Variants in FOLH1 observed in about 807,000 individuals in gnomAD.
FOLH1 encodes folate hydrolase 1.
In FOLH1, 54 loss-of-function variants were observed where a neutral mutation model predicts 93.9. That is an observed-to-expected ratio of 0.57 (90% confidence interval 0.46 to 0.72). The LOEUF (loss-of-function observed/expected upper bound fraction) is 0.72. FOLH1 is among the 30% of genes least tolerant of loss of function. The pLI, the probability that FOLH1 is intolerant of heterozygous loss-of-function variation, is 0.00. For missense variants in FOLH1, 571 were observed against 892.5 expected, an observed-to-expected ratio of 0.64 and a Z score of 4.59; for synonymous variants, 249 against 303.6, an observed-to-expected ratio of 0.82 and a Z score of 1.87.
chr11:49,163,138 G>A (rs747312508), intron 13 of FOLH1, among the ~76,000 whole-genome samples: 3 of 151,876 alleles, frequency 2.0e-5, no homozygotes, highest in Non-Finnish European at 4.4e-5. Flanking sequence ...TTCAGCCCTC[G>A]GTTGTCTTGG....
intron 18 of FOLH1, among the ~76,000 whole-genome samples, chr11:49,147,179 C>T (rs1855865010): frequency 6.6e-6 from 1 of 152,098 alleles, no homozygotes; most frequent in Admixed American, 6.6e-5. Flanking sequence ...ACAAAACTAA[C>T]AATGATGATA....
At chr11:49,151,359 T>C (rs1329322353) in intron 17 of FOLH1, among the ~76,000 whole-genome samples, 1 of 99,530 alleles carries the variant, frequency 1.0e-5, no homozygotes, top group African/African-American at 3.6e-5. Flanking sequence ...AAAGAATTGC[T>C]ACAAGTACAA....
At chr11:49,183,691 GA>G (rs986352530) in intron 6 of FOLH1, among the ~76,000 whole-genome samples, 7 of 151,792 alleles carry the variant, frequency 4.6e-5, no homozygotes, top group African/African-American at 1.5e-4. Flanking sequence ...ATCATCAAAA[GA>G]AAAAAACTAA....
At chr11:49,182,527 A>C (rs1277042900) in intron 7 of FOLH1, among the ~76,000 whole-genome samples, 1 of 152,148 alleles carries the variant, frequency 6.6e-6, no homozygotes, top group Non-Finnish European at 1.5e-5. Context: ...ATAGTGTGTT[A>C]TTCTGGGTCC....
intron 13 of FOLH1, among the ~76,000 whole-genome samples, chr11:49,159,464 C>A (rs1857410607): frequency 6.6e-6 from 1 of 152,184 alleles, no homozygotes. Flanking sequence ...ATCAACCTTG[C>A]ATCCCTGGGA....
At chr11:49,171,605 A>G (rs1368257004) in intron 10 of FOLH1, among the ~76,000 whole-genome samples, 12 of 152,146 alleles carry the variant, frequency 7.9e-5, no homozygotes, top group African/African-American at 1.9e-4. Flanking sequence ...AGAAATTTCT[A>G]GATGCATTTG....
At chr11:49,148,193 T>C (rs1041873223) in intron 18 of FOLH1, among the ~76,000 whole-genome samples, 1 of 151,502 alleles carries the variant, frequency 6.6e-6, no homozygotes. Context: ...ATATCAACAT[T>C]AGGGAAAAGA....
Position 49,207,948 on chromosome 11 carries a change from C to CAAAACA in FOLH1, c.118+343_118+344insTGTTTT, listed in dbSNP as rs111891603. 185 of 496,480 alleles carry CAAAACA rather than the reference C, an allele frequency of 3.7e-4. 2 individuals are homozygous for CAAAACA. Among genetic ancestry groups the CAAAACA allele is most frequent in the Admixed American group, 1.2e-3 (47 of 40,510 alleles). The allele number at this position is 496,480 out of a possible 1,614,324, so 30.8% of individuals were successfully genotyped here. ...ACAGAGAGGTAAAAAAACAAACAAA[C>CAAAACA]AAACAAAACAAAACAAAACAAAACA... On this transcript the variant is annotated intron_variant, in intron 1 of 18. Coordinates refer to ENST00000256999, the MANE Select transcript of FOLH1 (RefSeq NM_004476.3).
chr11:49,164,639 C>CATA (rs142158532), intron 13 of FOLH1, 66 bp downstream of exon 13: 46,496 of 1,133,278 alleles, frequency 0.041, 1,166 homozygotes, highest in Non-Finnish European at 0.047. Context: ...CTATGTTTAA[C>CATA]ATAATACCTC....
chr11:49,147,941 G>T (rs759738728), intron 18 of FOLH1, among the ~76,000 whole-genome samples: 9 of 151,872 alleles, frequency 5.9e-5, no homozygotes, highest in Admixed American at 2.6e-4. Flanking sequence ...GAAAAAAAGG[G>T]GGGGTGGGGG....
At chr11:49,194,981 C>T (rs1342999119) in intron 3 of FOLH1, among the ~76,000 whole-genome samples, 1 of 151,860 alleles carries the variant, frequency 6.6e-6, no homozygotes, top group East Asian at 1.9e-4. Flanking sequence ...TAACATTTAT[C>T]TCTAATTAAT....
chr11:49,204,540 C>T (rs770896859), intron 2 of FOLH1, among the ~76,000 whole-genome samples: 32 of 152,234 alleles, frequency 2.1e-4, no homozygotes, highest in Non-Finnish European at 3.4e-4. Flanking sequence ...TTTATTATAC[C>T]TACTATACAT....
At chr11:49,151,286 G>A (rs1174904019) in intron 17 of FOLH1, among the ~76,000 whole-genome samples, 6 of 152,364 alleles carry the variant, frequency 3.9e-5, no homozygotes, top group Non-Finnish European at 7.4e-5. Context: ...CCGATAAACA[G>A]TTGAGACAAT....
At chr11:49,186,501 T>C in intron 5 of FOLH1, 143 bp downstream of exon 5, 1 of 976,922 alleles carries the variant, frequency 1.0e-6, no homozygotes, top group Non-Finnish European at 1.5e-6. Context: ...AGTAAATGTG[T>C]CCTCTCTGTA....
At position 49,159,710 on chromosome 11, in the gene FOLH1, G is replaced by A. The variant is rs1285809622; in HGVS notation, c.1441-1667C>T. On this transcript the variant is annotated intron_variant, in intron 13 of 18. Coordinates refer to ENST00000256999, the MANE Select transcript of FOLH1 (RefSeq NM_004476.3). The stretch of plus-strand genomic sequence containing the variant: ...AATAGTTTCAATAGAAATAGTACCA[G>A]CCCTTCTTTGTACCTCTGGTAGAAT... Among the ~76,000 whole-genome samples the A allele has an allele frequency of 3.9e-5, 6 of 152,078 alleles. No homozygotes were observed. The East Asian group carries it at 1.2e-3, about 29-fold the overall frequency.
Position 49,156,785 on chromosome 11 carries a change from T to G in FOLH1, c.1555A>C (p.Asn519His). The change falls in exon 15 of 19, where the codon AAT (asparagine) becomes CAT (histidine). Residue 519 changes from asparagine to histidine, a missense_variant. Physicochemically the swap from Asn to His is moderately conservative, Grantham distance 68. Coordinates refer to ENST00000256999, the MANE Select transcript of FOLH1 (RefSeq NM_004476.3). ...MPRISKLGSG[N>H]DFEVFFQRLG... ...CGTTGGAAGAACACCTCAAAATCAT[T>G]TCCAGATCCCAATTTGCTTATCCTT... 6.2e-7 allele frequency: 1 copy of G among 1,612,652 alleles called. No homozygotes were observed. The highest frequency in any genetic ancestry group is 8.5e-7 in the Non-Finnish European group (1 of 1,178,988).
chr11:49,206,355 G>A, intron 1 of FOLH1, 183 bp from the exon 2 acceptor site: 1 of 1,033,172 alleles, frequency 9.7e-7, no homozygotes. Flanking sequence ...CATGCAAACA[G>A]ATTTTTAAGT....
intron 4 of FOLH1, among the ~76,000 whole-genome samples, chr11:49,191,078 C>A (rs1341014131): frequency 6.6e-6 from 1 of 152,184 alleles, no homozygotes; most frequent in Non-Finnish European, 1.5e-5. Flanking sequence ...GAGGCGCGAT[C>A]TCGGCTCACT....
At chr11:49,171,854 G>A (rs889871375) in intron 10 of FOLH1, among the ~76,000 whole-genome samples, 3 of 151,998 alleles carry the variant, frequency 2.0e-5, no homozygotes, top group Non-Finnish European at 2.9e-5. Flanking sequence ...TTGGAGTTAA[G>A]GCAAGATCTT....
Sources: allele counts gnomAD v4.1 joint callset (sites outside exome capture counted in the v4.1 genomes callset), GRCh38; gene constraint gnomAD v4.1.1; transcripts MANE v1.5; gene names NCBI Gene and HGNC (gene_info 2026-07-23, HGNC 2026-07-21).